NOP9: variants seen among roughly 807,000 people sequenced by gnomAD.
NOP9 encodes nucleolar protein 9.
Under a neutral mutation model 63.0 loss-of-function variants are expected in NOP9, and 50 were observed. That is an observed-to-expected ratio of 0.79 (90% CI 0.63 to 1.00). The LOEUF is 1.00. Ranked by LOEUF, NOP9 falls within the 50% of genes least tolerant of loss-of-function variation. NOP9 has a pLI of 0.00. For missense variants in NOP9, 758 were observed against 803.0 expected (o/e 0.94, Z 0.68); for synonymous variants, 343 against 332.8 (o/e 1.03, Z -0.33).
At position 24,303,140 on chromosome 14, in the gene NOP9, G is replaced by A. The variant is rs1467717169; in HGVS notation, c.1210G>A (p.Val404Ile). The change falls in exon 6 of 10, where the codon GTA becomes ATA. Residue 404 changes from valine (V) to isoleucine (I), a missense_variant. By Grantham distance (29) the Val-to-Ile change is conservative. Coordinates refer to ENST00000267425, the MANE Select transcript of NOP9 (RefSeq NM_174913.3). ...EAVLAQGHPG[V>I]VIALVGACRR... ...TGTATTGGCCCAGGGCCACCCAGGGGTAGTCATTGCCCTGGTGGGGGCCTG... is the reference window on the plus strand; with the variant it reads ...TGTATTGGCCCAGGGCCACCCAGGGATAGTCATTGCCCTGGTGGGGGCCTG... The A allele has an allele frequency of 6.2e-7, 1 of 1,613,052 alleles. No homozygotes were observed. The highest frequency in any genetic ancestry group is 8.5e-7 in the Non-Finnish European group (1 of 1,179,556).
rs2041609347 is a variant in NOP9 at position 24,309,084 on chromosome 14, A to C, written c.*3989A>C. ...CTGTTGTGAGGATACGCTGTAGCCC[A>C]CTCATTAAGTACATTCTCCTAATAA... On this transcript the variant is annotated 3_prime_UTR_variant, in exon 10 of 10. Transcript: ENST00000267425. The C allele has an allele frequency of 6.6e-6, 1 of 152,228 alleles. No individual in the cohort carries two copies. Among genetic ancestry groups the C allele is most frequent in the African/African-American group, 2.4e-5 (1 of 41,442 alleles). 9.4% of individuals were successfully genotyped at this position (152,228 alleles called of 1,614,324 possible). A position where few individuals can be genotyped will look rare whatever the true frequency, so the allele number is the denominator to read the frequency against.
At position 24,300,277 on chromosome 14, in the gene NOP9, G is replaced by A. The variant is rs2139113499; in HGVS notation, c.247+76G>A. ...CAAGGAAACTTTCTAGGGTCGGCAG[G>A]GCGTGGGGACTTAGTTTCATTTCCC... On this transcript the variant is annotated intron_variant, in intron 1 of 9. Transcript: ENST00000267425. 2.5e-6 allele frequency: 4 copies of A among 1,583,264 alleles called. No individual in the cohort carries two copies. The East Asian group carries it at 6.7e-5, about 27-fold the overall frequency.
the NOP9 span, chr14:24,292,697 G>T: frequency 7.4e-6 from 12 of 1,614,190 alleles, no homozygotes; most frequent in South Asian, 1.2e-4. Context: ...TATACTGCAG[G>T]CTTCCTGGGG....
the NOP9 span, chr14:24,271,362 T>G: frequency 2.4e-6 from 1 of 408,434 alleles, no homozygotes; most frequent in Non-Finnish European, 4.3e-6. Context: ...TATAGCCCGA[T>G]TCGCCCGGGC....
chr14:24,289,976 T>G, the NOP9 span, among the ~76,000 whole-genome samples: 1 of 152,230 alleles, frequency 6.6e-6, no homozygotes, highest in Non-Finnish European at 1.5e-5. Context: ...TTTCTCTGAT[T>G]TATGGCAGCC....
At chr14:24,303,598 CA>C in intron 6 of NOP9, 133 bp from the exon 7 acceptor site, 2 of 857,856 alleles carry the variant, frequency 2.3e-6, no homozygotes, top group Non-Finnish European at 3.8e-6. Flanking sequence ...TACAGCAAGG[CA>C]TGACATCTGC....
the NOP9 span, among the ~76,000 whole-genome samples, chr14:24,281,754 G>A: frequency 4.8e-3 from 731 of 152,270 alleles, 5 homozygotes; most frequent in African/African-American, 0.017. Context: ...AGAACAGCTG[G>A]AGCAAAGGCG....
chr14:24,291,772 T>C, the NOP9 span: 4 of 796,010 alleles, frequency 5.0e-6, no homozygotes, highest in Non-Finnish European at 8.5e-6. Context: ...ACCCAAAGTA[T>C]TGGCAGGTGC....
chr14:24,305,313 G>A lies in NOP9; in HGVS notation c.*218G>A. On this transcript the variant is annotated 3_prime_UTR_variant, in exon 10 of 10. Coordinates refer to ENST00000267425, the MANE Select transcript of NOP9 (RefSeq NM_174913.3). ...CAGTATGCTGGGGAGTTTAGGGACA[G>A]GAGGCATTGGTAGGGGATTAGATGT... The A allele has an allele frequency of 1.8e-6, 1 of 570,024 alleles. No individual in the cohort carries two copies. 35.3% of individuals were successfully genotyped at this position (570,024 alleles called of 1,614,324 possible). A position where few individuals can be genotyped will look rare whatever the true frequency, so the allele number is the denominator to read the frequency against.
chr14:24,296,848 C>A (rs767390453), upstream of NOP9: 6 of 1,614,242 alleles, frequency 3.7e-6, no homozygotes, highest in Non-Finnish European at 5.1e-6. Context: ...GAATCGCACA[C>A]CACAGGCACA....
rs1034642590 is a variant in NOP9, at chr14:24,303,773, T to C, written c.1326T>C (p.Cys442=). The change falls in exon 7 of 10, where the codon TGT becomes TGC. Residue 442 remains cysteine (C), a synonymous_variant. Transcript: ENST00000267425. ...CAEPSSRQVA[C]VPLFATLMAY... is the part of the protein sequence containing the mutation. ...AGCCCTCATCCCGGCAAGTGGCCTGTGTGCCTCTCTTTGCCACTTTGATGG... is the reference window on the plus strand; with the variant it reads ...AGCCCTCATCCCGGCAAGTGGCCTGCGTGCCTCTCTTTGCCACTTTGATGG... 6.2e-6 allele frequency: 10 copies of C among 1,614,026 alleles called. No individual in the cohort carries two copies. The Admixed American group carries it at 1.0e-4, about 16-fold the overall frequency.
chr14:24,295,452 A>G (rs1438403994), upstream of NOP9, among the ~76,000 whole-genome samples: 1 of 152,242 alleles, frequency 6.6e-6, no homozygotes, highest in African/African-American at 2.4e-5. Flanking sequence ...AATACAGAGG[A>G]AAGGCAGTAA....
intron 8 of NOP9, 40 bp downstream of exon 8, chr14:24,304,317 C>T (rs887146577): frequency 6.5e-7 from 1 of 1,532,276 alleles, no homozygotes; most frequent in African/African-American, 1.4e-5. Context: ...CCACCATCAT[C>T]CATTTAGAGA....
At chr14:24,299,665 T>G, upstream of NOP9, 1 of 363,328 alleles carries the variant, frequency 2.8e-6, no homozygotes, top group Non-Finnish European at 5.0e-6. Context: ...GCCGGCGACG[T>G]GGAGGCAGTG....
upstream of NOP9, chr14:24,296,991 G>C: frequency 6.8e-7 from 1 of 1,476,050 alleles, no homozygotes; most frequent in African/African-American, 1.4e-5. Context: ...AATCCTAGGA[G>C]AGCCTGCTGC....
At chr14:24,290,937 C>T in the NOP9 span, 31 of 1,614,030 alleles carry the variant, frequency 1.9e-5, no homozygotes, top group Non-Finnish European at 2.6e-5. Flanking sequence ...CCAGCCAGCC[C>T]AGGCCGGACA....
the NOP9 span, among the ~76,000 whole-genome samples, chr14:24,287,036 C>T: frequency 6.6e-6 from 1 of 152,046 alleles, no homozygotes; most frequent in East Asian, 1.9e-4. Flanking sequence ...ATTACAGGTG[C>T]ACGCCACCAC....
chr14:24,290,473 T>C, the NOP9 span: 1 of 211,884 alleles, frequency 4.7e-6, no homozygotes, highest in South Asian at 6.4e-5. Flanking sequence ...CAGGAACAGT[T>C]CTGGAGGAAA....
chr14:24,304,669 G>T, intron 9 of NOP9, 71 bp downstream of exon 9: 1 of 1,243,982 alleles, frequency 8.0e-7, no homozygotes. Context: ...TGGGTAGCTG[G>T]GAAGTCTACT....
Sources: allele counts gnomAD v4.1 joint callset (sites outside exome capture counted in the v4.1 genomes callset), GRCh38; gene constraint gnomAD v4.1.1; transcripts MANE v1.5; gene names NCBI Gene and HGNC (gene_info 2026-07-23, HGNC 2026-07-21).